Variants in DTNBP1 observed in about 807,000 individuals in gnomAD.
The protein encoded by DTNBP1 is dysbindin.
In DTNBP1, 35 loss-of-function variants were observed where a neutral mutation model predicts 42.8. That is an observed-to-expected ratio of 0.82 (90% CI 0.63 to 1.09). The LOEUF (loss-of-function observed/expected upper bound fraction) is 1.09. Ranked by LOEUF, DTNBP1 falls within the 50% of genes least tolerant of loss-of-function variation. DTNBP1 has a pLI of 0.00. For synonymous variants in DTNBP1, 171 were observed against 162.2 expected (o/e 1.05, Z -0.41); for missense variants, 457 against 424.2 (o/e 1.08, Z -0.68).
At chr6:15,600,191 G>A (rs1240594247) in intron 6 of DTNBP1, among the ~76,000 whole-genome samples, 1 of 152,106 alleles carries the variant, frequency 6.6e-6, no homozygotes, top group Non-Finnish European at 1.5e-5. Context: ...ATACTCCATG[G>A]CACCCAAGCA....
intron 7 of DTNBP1, among the ~76,000 whole-genome samples, chr6:15,570,997 G>T (rs1478364795): frequency 6.6e-6 from 1 of 152,082 alleles, no homozygotes; most frequent in Non-Finnish European, 1.5e-5. Context: ...ATGGCATTAA[G>T]AAATTATGTT....
intron 7 of DTNBP1, among the ~76,000 whole-genome samples, chr6:15,588,015 T>C (rs938069863): frequency 2.6e-5 from 4 of 152,178 alleles, no homozygotes; most frequent in African/African-American, 7.2e-5. Context: ...TAAAAATGTA[T>C]GTCAACACAA....
chr6:15,654,388 C>A (rs1033197261), intron 1 of DTNBP1, among the ~76,000 whole-genome samples: 2 of 152,126 alleles, frequency 1.3e-5, no homozygotes, highest in Non-Finnish European at 2.9e-5. Context: ...TTATATACAG[C>A]AGTGCCTCAT....
intron 1 of DTNBP1, among the ~76,000 whole-genome samples, chr6:15,662,591 TG>T (rs1255020331): frequency 6.6e-6 from 1 of 151,432 alleles, no homozygotes; most frequent in Non-Finnish European, 1.5e-5. Context: ...CTCCCGGTCC[TG>T]GGGGGTGCGC....
rs1288290009 is a variant in DTNBP1 at position 15,587,709 on chromosome 6, C to G, written c.511+5350G>C. Among the ~76,000 whole-genome samples, 1 of 152,134 alleles carries G rather than the reference C, an allele frequency of 6.6e-6. No individual in the cohort carries two copies. Among genetic ancestry groups the G allele is most frequent in the East Asian group, 1.9e-4 (1 of 5,198 alleles). On this transcript the variant is annotated intron_variant, in intron 7 of 9. Transcript: ENST00000344537. The surrounding 1 kb of genome is among the most constrained non-coding windows in gnomAD (Gnocchi z 4.1). Reference sequence around the variant, plus strand: ...TCGGGCATGGTGCAGCCTAGAGCCCCAAGGTCTGCCAAAAAATGGTTCTGA... The same window carrying G: ...TCGGGCATGGTGCAGCCTAGAGCCCGAAGGTCTGCCAAAAAATGGTTCTGA...
At chr6:15,565,832 G>C (rs897710283) in intron 7 of DTNBP1, among the ~76,000 whole-genome samples, 1 of 151,848 alleles carries the variant, frequency 6.6e-6, no homozygotes, top group Non-Finnish European at 1.5e-5. Context: ...TTTATGGCTT[G>C]TAGATTATAC....
chr6:15,644,708 A>G (rs761418006), intron 3 of DTNBP1, among the ~76,000 whole-genome samples: 3 of 152,154 alleles, frequency 2.0e-5, no homozygotes, highest in Non-Finnish European at 4.4e-5. Flanking sequence ...ATTAAGGCAG[A>G]GATAAAAAAA....
chr6:15,628,985 G>A (rs1759525959), intron 4 of DTNBP1, among the ~76,000 whole-genome samples: 1 of 152,110 alleles, frequency 6.6e-6, no homozygotes, highest in Non-Finnish European at 1.5e-5. Context: ...TGAGCTGGGA[G>A]GCCACATCAA....
At chr6:15,641,392 G>A (rs1760342696) in intron 3 of DTNBP1, among the ~76,000 whole-genome samples, 1 of 152,138 alleles carries the variant, frequency 6.6e-6, no homozygotes, top group Non-Finnish European at 1.5e-5. Context: ...TGCAGAAAAG[G>A]AAAGCAGCAA....
intron 7 of DTNBP1, among the ~76,000 whole-genome samples, chr6:15,544,103 C>T (rs1773736986): frequency 6.6e-6 from 1 of 152,212 alleles, no homozygotes; most frequent in Non-Finnish European, 1.5e-5. Flanking sequence ...CCTCCTTCCC[C>T]AAACACTCAG....
chr6:15,556,904 T>C (rs575127133), intron 7 of DTNBP1, among the ~76,000 whole-genome samples: 1 of 152,196 alleles, frequency 6.6e-6, no homozygotes, highest in Non-Finnish European at 1.5e-5. Flanking sequence ...CCACTTTGAA[T>C]GGATTAAATG....
intron 6 of DTNBP1, among the ~76,000 whole-genome samples, chr6:15,613,201 C>T (rs139020615): frequency 4.6e-5 from 7 of 151,128 alleles, no homozygotes; most frequent in East Asian, 3.9e-4. Context: ...CCCAGCTACT[C>T]GGGAGACAGA....
intron 1 of DTNBP1, 114 bp downstream of exon 1, chr6:15,662,700 G>A: frequency 8.5e-6 from 12 of 1,419,066 alleles, no homozygotes; most frequent in Admixed American, 1.8e-5. Context: ...GGGCGGGGAG[G>A]TGCGGGACAG....
At chr6:15,543,767 C>G (rs1047077483) in intron 7 of DTNBP1, among the ~76,000 whole-genome samples, 1 of 152,158 alleles carries the variant, frequency 6.6e-6, no homozygotes, top group East Asian at 1.9e-4. Flanking sequence ...CCTTAGTCAC[C>G]TGTTCTGTAA....
chr6:15,650,617 G>A (rs1425425241), intron 3 of DTNBP1, among the ~76,000 whole-genome samples: 1 of 152,084 alleles, frequency 6.6e-6, no homozygotes, highest in African/African-American at 2.4e-5. Context: ...CCTGAAGACT[G>A]ACAACGTTGA....
At chr6:15,648,373 A>T (rs1488385671) in intron 3 of DTNBP1, among the ~76,000 whole-genome samples, 1 of 152,070 alleles carries the variant, frequency 6.6e-6, no homozygotes, top group Non-Finnish European at 1.5e-5. Context: ...CTTCGATTCA[A>T]CACAGTACTG....
At chr6:15,602,642 C>A (rs942183418) in intron 6 of DTNBP1, among the ~76,000 whole-genome samples, 3 of 152,124 alleles carry the variant, frequency 2.0e-5, no homozygotes, top group African/African-American at 7.2e-5. Context: ...AAAGTTATTA[C>A]AGACTCTAAA....
intron 3 of DTNBP1, among the ~76,000 whole-genome samples, chr6:15,641,606 G>A (rs764053237): frequency 3.3e-5 from 5 of 152,250 alleles, no homozygotes; most frequent in South Asian, 2.1e-4. Context: ...TGGCCAACTC[G>A]TGTGTACATG....
chr6:15,583,126 GCATGCCAC>G (rs1311193225), intron 7 of DTNBP1, among the ~76,000 whole-genome samples: 2 of 152,072 alleles, frequency 1.3e-5, no homozygotes, highest in Non-Finnish European at 2.9e-5. Context: ...GGTTACAGGT[GCATGCCAC>G]CATGCCCGGC....
Sources: allele counts gnomAD v4.1 joint callset (sites outside exome capture counted in the v4.1 genomes callset), GRCh38; gene constraint gnomAD v4.1.1; non-coding constraint Gnocchi (gnomAD v3.1); transcripts MANE v1.5; gene names NCBI Gene and HGNC (gene_info 2026-07-23, HGNC 2026-07-21).